The following DHX15 variants were observed in gnomAD, a reference collection of about 807,000 sequenced individuals.
DHX15 encodes DEAH-box helicase 15.
Under a neutral mutation model 94.4 loss-of-function variants are expected in DHX15, and 11 were observed. The ratio of observed to expected loss-of-function variants is 0.12; its 90% CI spans 0.07 to 0.19. The LOEUF is 0.19. Ranked by LOEUF, DHX15 falls within the 10% of genes least tolerant of loss-of-function variation. DHX15 has a pLI of 1.00. For missense variants in DHX15, 304 were observed against 988.5 expected, an observed-to-expected ratio of 0.31 and a Z score of 9.29; for synonymous variants, 338 against 329.9, an observed-to-expected ratio of 1.02 and a Z score of -0.27.
intron 1 of DHX15, among the ~76,000 whole-genome samples, chr4:24,582,849 G>A (rs532382348): frequency 1.3e-5 from 2 of 152,296 alleles, no homozygotes; most frequent in East Asian, 1.9e-4. Flanking sequence ...GCGTAATGGT[G>A]GGGGAGGGTG....
rs1721737420 is a variant in DHX15 at position 24,556,305 on chromosome 4, T to C, written c.807A>G (p.Thr269=). The change falls in exon 4 of 14, where the codon ACA becomes ACG. Residue 269 remains threonine (T), a synonymous_variant. Coordinates refer to ENST00000336812, the MANE Select transcript of DHX15 (RefSeq NM_001358.3). The stretch of plus-strand genomic sequence containing the variant: ...CCTTCAGAACACCCATTAGAATATC[T>C]GTAGCCAGTGTCCTCTCATGAGCCT... ...LDEAHERTLA[T]DILMGVLKEV... The C allele has an allele frequency of 1.2e-6, 2 of 1,613,798 alleles. No homozygotes were observed. Among genetic ancestry groups the C allele is most frequent in the Non-Finnish European group, 1.7e-6 (2 of 1,179,756 alleles).
intron 13 of DHX15, among the ~76,000 whole-genome samples, chr4:24,528,610 A>C (rs749527135): frequency 3.9e-5 from 6 of 152,238 alleles, no homozygotes; most frequent in Admixed American, 6.5e-5. Context: ...GCTGCACAAT[A>C]TAAAGCGGTG....
At chr4:24,555,522 T>C (rs909466124) in intron 4 of DHX15, among the ~76,000 whole-genome samples, 10 of 152,320 alleles carry the variant, frequency 6.6e-5, no homozygotes, top group South Asian at 6.2e-4. Flanking sequence ...CAGTTTTTTT[T>C]CTAAAGACCC....
chr4:24,554,622 C>G (rs888140858), intron 5 of DHX15, 103 bp downstream of exon 5: 7 of 873,576 alleles, frequency 8.0e-6, no homozygotes, highest in Admixed American at 2.3e-5. Flanking sequence ...GGTTGAAGAA[C>G]ATTGAAATAA....
intron 2 of DHX15, among the ~76,000 whole-genome samples, chr4:24,571,374 G>C (rs2109009126): frequency 6.6e-6 from 1 of 152,214 alleles, no homozygotes; most frequent in African/African-American, 2.4e-5. Flanking sequence ...CACAATGGTA[G>C]CACCTTAGGT....
intron 6 of DHX15, among the ~76,000 whole-genome samples, chr4:24,547,243 G>A (rs1721444529): frequency 6.6e-6 from 1 of 152,176 alleles, no homozygotes; most frequent in Non-Finnish European, 1.5e-5. Context: ...TCACTGGATG[G>A]CAAAGTGGCA....
At chr4:24,548,742 G>A (rs1721518521) in intron 6 of DHX15, 113 bp downstream of exon 6, 1 of 996,466 alleles carries the variant, frequency 1.0e-6, no homozygotes, top group Non-Finnish European at 1.4e-6. Context: ...TTATTTTGTT[G>A]TATAAAACCT....
intron 3 of DHX15, among the ~76,000 whole-genome samples, chr4:24,567,337 G>C (rs1400885826): frequency 1.3e-5 from 2 of 152,152 alleles, no homozygotes; most frequent in Non-Finnish European, 2.9e-5. Context: ...CCAGCACTTT[G>C]GGAGGCAGAG....
chr4:24,563,785 G>A (rs984931282), intron 3 of DHX15, among the ~76,000 whole-genome samples: 1 of 152,146 alleles, frequency 6.6e-6, no homozygotes, highest in Non-Finnish European at 1.5e-5. Context: ...ATGAGGCAAG[G>A]CTGGGCACGG....
intron 3 of DHX15, among the ~76,000 whole-genome samples, chr4:24,562,988 G>A (rs1052026654): frequency 1.3e-5 from 2 of 151,984 alleles, no homozygotes; most frequent in Admixed American, 6.6e-5. Context: ...AGAATTAAAT[G>A]GAATTCCAAA....
intron 6 of DHX15, among the ~76,000 whole-genome samples, chr4:24,544,478 T>C (rs150767420): frequency 1.2e-3 from 187 of 152,338 alleles, no homozygotes; most frequent in Middle Eastern, 6.8e-3. Context: ...AAACCACATG[T>C]GGTTTGATGA....
intron 6 of DHX15, among the ~76,000 whole-genome samples, chr4:24,548,502 T>C (rs1166955355): frequency 6.6e-6 from 1 of 152,152 alleles, no homozygotes; most frequent in African/African-American, 2.4e-5. Flanking sequence ...CCTATAGACA[T>C]TACATTTGGG....
chr4:24,564,492 G>A (rs1040145267), intron 3 of DHX15, among the ~76,000 whole-genome samples: 1 of 152,098 alleles, frequency 6.6e-6, no homozygotes, highest in Non-Finnish European at 1.5e-5. Flanking sequence ...AAGTCTCTCC[G>A]TCCTTCTCAA....
intron 3 of DHX15, chr4:24,563,289 A>C (rs1337902039): frequency 6.6e-6 from 1 of 152,050 alleles, no homozygotes; most frequent in Non-Finnish European, 1.5e-5. Flanking sequence ...TCATTTTCCA[A>C]CCTGGGCCGG....
chr4:24,532,890 C>T lies in DHX15; in HGVS notation c.2074G>A (p.Ala692Thr). The change falls in exon 12 of 14, where the codon GCT becomes ACT. Residue 692 changes from alanine to threonine, a missense_variant. Physicochemically the swap from Ala to Thr is moderately conservative, Grantham distance 58. Transcript: ENST00000336812. ...TGCATAAAATACCCAGTAACCAAAG[C>T]TTTTCTTATATTAATATAATAGTCC... ...SRDYYINIRK[A>T]LVTGYFMQVA... is the part of the protein sequence containing the mutation. 1 of 1,609,734 alleles carries T rather than the reference C, an allele frequency of 6.2e-7. No individual in the cohort carries two copies. The highest frequency in any genetic ancestry group is 2.2e-5 in the East Asian group (1 of 44,836).
At chr4:24,561,194 G>C (rs1213699977) in intron 3 of DHX15, among the ~76,000 whole-genome samples, 2 of 152,162 alleles carry the variant, frequency 1.3e-5, no homozygotes, top group Admixed American at 6.5e-5. Context: ...TCCATCAATA[G>C]AATTTGTTAA....
intron 1 of DHX15, among the ~76,000 whole-genome samples, chr4:24,578,187 T>C (rs988067568): frequency 3.9e-5 from 6 of 152,180 alleles, no homozygotes; most frequent in Non-Finnish European, 8.8e-5. Context: ...GAAAGAAAAG[T>C]CAAAGGATAA....
At chr4:24,562,831 A>G (rs1217103664) in intron 3 of DHX15, among the ~76,000 whole-genome samples, 1 of 152,352 alleles carries the variant, frequency 6.6e-6, no homozygotes, top group East Asian at 1.9e-4. Context: ...TGAATCTTTC[A>G]CACACACAGA....
chr4:24,536,758 A>G (rs1721207562), intron 11 of DHX15, among the ~76,000 whole-genome samples: 1 of 152,238 alleles, frequency 6.6e-6, no homozygotes, highest in Non-Finnish European at 1.5e-5. Flanking sequence ...CAGAAATAAA[A>G]GTATATAAAA....
Sources: gnomAD v4.1 joint callset for allele counts (sites outside exome capture counted in the v4.1 genomes callset) on GRCh38, gnomAD v4.1.1 for gene constraint, MANE v1.5 for transcripts, NCBI Gene and HGNC (gene_info 2026-07-23, HGNC 2026-07-21) for gene names.